The following SEMA5A variants were observed in gnomAD, a reference collection of about 807,000 sequenced individuals.
SEMA5A encodes the protein semaphorin-5A.
Under a neutral mutation model 135.5 loss-of-function variants are expected in SEMA5A, and 55 were observed. The observed-to-expected ratio is 0.41, with a 90% CI of 0.33 to 0.51. The LOEUF (loss-of-function observed/expected upper bound fraction) is 0.51, where lower values mean the gene tolerates loss of function less well. SEMA5A is among the 20% of genes least tolerant of loss of function. The pLI is 0.37. For synonymous variants in SEMA5A, 580 were observed against 546.5 expected, an observed-to-expected ratio of 1.06 and a Z score of -0.85; for missense variants, 1,290 against 1,419.9, an observed-to-expected ratio of 0.91 and a Z score of 1.47.
chr5:9,097,238 A>G (rs964408541), intron 16 of SEMA5A, among the ~76,000 whole-genome samples: 2 of 152,194 alleles, frequency 1.3e-5, no homozygotes, highest in South Asian at 4.1e-4. Context: ...TCCCTTATTT[A>G]CACTGGTATC....
At chr5:9,164,102 T>TATTTATATA (rs1181921132) in intron 11 of SEMA5A, among the ~76,000 whole-genome samples, 1 of 15,784 alleles carries the variant, frequency 6.3e-5, no homozygotes, top group Non-Finnish European at 1.8e-4. Context: ...ATCATATAAA[T>TATTTATATA]ATTTATATAA....
At chr5:9,370,399 T>C (rs1755088466) in intron 3 of SEMA5A, among the ~76,000 whole-genome samples, 1 of 152,198 alleles carries the variant, frequency 6.6e-6, no homozygotes, top group Admixed American at 6.5e-5. Flanking sequence ...AATCCATTCA[T>C]TTTGGTGCTT....
intron 4 of SEMA5A, 66 bp downstream of exon 4, chr5:9,337,647 T>C (rs1753451278): frequency 4.9e-6 from 5 of 1,022,502 alleles, no homozygotes; most frequent in Non-Finnish European, 7.6e-6. Context: ...GAAGGTCACA[T>C]GTAACTGCAC....
intron 4 of SEMA5A, among the ~76,000 whole-genome samples, chr5:9,326,775 A>G (rs1752899387): frequency 6.6e-6 from 1 of 152,164 alleles, no homozygotes; most frequent in African/African-American, 2.4e-5. Context: ...AGCGAGTCTC[A>G]ATAAATAAAT....
At chr5:9,090,861 T>C (rs1305920457) in intron 16 of SEMA5A, among the ~76,000 whole-genome samples, 1 of 152,202 alleles carries the variant, frequency 6.6e-6, no homozygotes, top group African/African-American at 2.4e-5. Context: ...TACCCTAAGA[T>C]AGTTACGAGA....
intron 11 of SEMA5A, among the ~76,000 whole-genome samples, chr5:9,174,611 AAATGTGCTTAGT>A (rs1279888991): frequency 6.6e-6 from 1 of 152,220 alleles, no homozygotes; most frequent in Admixed American, 6.5e-5. Context: ...GTCAAGGCCT[AAATGTGCTTAGT>A]AATGCCTGGT....
intron 13 of SEMA5A, among the ~76,000 whole-genome samples, chr5:9,123,246 G>A (rs562563960): frequency 6.1e-5 from 6 of 97,922 alleles, no homozygotes; most frequent in South Asian, 3.9e-4. Flanking sequence ...GGGAAGGAGC[G>A]AGACTCCGCC....
intron 2 of SEMA5A, among the ~76,000 whole-genome samples, chr5:9,383,178 A>G (rs192103082): frequency 6.6e-6 from 1 of 152,372 alleles, no homozygotes; most frequent in East Asian, 1.9e-4. Context: ...TACAGTGTGC[A>G]AAACTGGTGT....
In SEMA5A at chr5:9,077,129, G is replaced by T. The variant is rs1040446234; in HGVS notation, c.2074-10483C>A. Among the ~76,000 whole-genome samples, 9 of 152,174 alleles carry T rather than the reference G, an allele frequency of 5.9e-5. No individual in the cohort carries two copies. In the South Asian group the frequency reaches 1.9e-3, roughly 32 times the overall value. On this transcript the variant is annotated intron_variant, in intron 16 of 22. Transcript: ENST00000382496. The stretch of plus-strand genomic sequence containing the variant: ...TTACTTACTCACCATCCAATCCTCT[G>T]CAAAACATCTTTAAATGCTTGTAAT...
chr5:9,287,083 G>T (rs531314675), intron 5 of SEMA5A, among the ~76,000 whole-genome samples: 2 of 152,244 alleles, frequency 1.3e-5, no homozygotes, highest in Non-Finnish European at 2.9e-5. Context: ...GAAGCGAATG[G>T]GTCAATTAGC....
chr5:9,268,127 G>T (rs1187818404), intron 5 of SEMA5A, among the ~76,000 whole-genome samples: 2 of 151,964 alleles, frequency 1.3e-5, no homozygotes, highest in Non-Finnish European at 2.9e-5. Context: ...TGTTCTTGTA[G>T]GTAGTGCATT....
chr5:9,181,921 A>G (rs1744535370), intron 11 of SEMA5A, among the ~76,000 whole-genome samples: 1 of 151,922 alleles, frequency 6.6e-6, no homozygotes, highest in African/African-American at 2.4e-5. Context: ...GAAGTTGTCT[A>G]GATGGGTATC....
intron 7 of SEMA5A, 93 bp downstream of exon 7, chr5:9,226,776 G>T: frequency 2.2e-6 from 2 of 918,688 alleles, no homozygotes; most frequent in Non-Finnish European, 3.5e-6. Context: ...GCAACACCTT[G>T]GTGTATAGAA....
intron 16 of SEMA5A, among the ~76,000 whole-genome samples, chr5:9,073,920 T>C (rs1189218208): frequency 6.6e-6 from 1 of 152,160 alleles, no homozygotes; most frequent in Non-Finnish European, 1.5e-5. Context: ...GCATGACTTT[T>C]ACAATGAAAG....
intron 16 of SEMA5A, among the ~76,000 whole-genome samples, chr5:9,106,077 T>C (rs1739897043): frequency 6.6e-6 from 1 of 152,162 alleles, no homozygotes; most frequent in Non-Finnish European, 1.5e-5. Flanking sequence ...AAGAAAAATA[T>C]ACTCCTACCA....
chr5:9,301,516 T>A (rs191887011), intron 5 of SEMA5A, among the ~76,000 whole-genome samples: 20 of 152,294 alleles, frequency 1.3e-4, no homozygotes, highest in Non-Finnish European at 2.4e-4. Flanking sequence ...ATTCCATGGT[T>A]CTTACTCCTA....
intron 4 of SEMA5A, among the ~76,000 whole-genome samples, chr5:9,321,504 C>T (rs1368451888): frequency 1.3e-5 from 2 of 152,194 alleles, no homozygotes; most frequent in African/African-American, 2.4e-5. Context: ...TGCCTCTATA[C>T]AATCTCAGGA....
intron 8 of SEMA5A, among the ~76,000 whole-genome samples, chr5:9,221,686 GCAGA>G (rs1296917935): frequency 6.6e-6 from 1 of 152,070 alleles, no homozygotes; most frequent in Non-Finnish European, 1.5e-5. Context: ...AATGGATAAG[GCAGA>G]AATATTGTCC....
At chr5:9,528,660 G>A (rs1737269815) in intron 1 of SEMA5A, among the ~76,000 whole-genome samples, 1 of 152,188 alleles carries the variant, frequency 6.6e-6, no homozygotes, top group South Asian at 2.1e-4. Flanking sequence ...CAGGATACCA[G>A]GTGACTGCTA....
Sources: gnomAD v4.1 joint callset for allele counts (sites outside exome capture counted in the v4.1 genomes callset) on GRCh38, gnomAD v4.1.1 for gene constraint, MANE v1.5 for transcripts, NCBI Gene and HGNC (gene_info 2026-07-23, HGNC 2026-07-21) for gene names.